Variants in DNAH14 observed in about 807,000 individuals in gnomAD.
DNAH14 encodes axonemal beta dynein heavy chain 14.
A neutral mutation model predicts 520.9 loss-of-function variants in DNAH14; 478 were observed. The ratio of observed to expected loss-of-function variants is 0.92; its 90% CI spans 0.85 to 0.99. DNAH14 has a LOEUF of 0.99. DNAH14 is among the 50% of genes least tolerant of loss of function. The pLI is 0.00. For synonymous variants in DNAH14, 1,581 were observed against 1,757.2 expected, an observed-to-expected ratio of 0.90 and a Z score of 2.51; for missense variants, 4,831 against 5,234.5, an observed-to-expected ratio of 0.92 and a Z score of 2.38.
intron 39 of DNAH14, among the ~76,000 whole-genome samples, chr1:225,204,904 A>G (rs2087330259): frequency 6.6e-6 from 1 of 152,206 alleles, no homozygotes; most frequent in South Asian, 2.1e-4. Context: ...TGGGGAGAGT[A>G]CAGTGATTAG....
At chr1:225,125,253 A>G (rs1267547491) in intron 27 of DNAH14, among the ~76,000 whole-genome samples, 2 of 152,186 alleles carry the variant, frequency 1.3e-5, no homozygotes, top group Admixed American at 6.6e-5. Flanking sequence ...TTAGCCTCTA[A>G]CAAGAGAATC....
At chr1:225,242,858 T>TA (rs2092049023) in intron 43 of DNAH14, among the ~76,000 whole-genome samples, 1 of 152,218 alleles carries the variant, frequency 6.6e-6, no homozygotes, top group Non-Finnish European at 1.5e-5. Context: ...GCTACGATGT[T>TA]ACGATGACTA....
chr1:225,271,612 A>G (rs2093317365), intron 50 of DNAH14, among the ~76,000 whole-genome samples: 1 of 152,186 alleles, frequency 6.6e-6, no homozygotes, highest in Non-Finnish European at 1.5e-5. Context: ...AAGAATTCCC[A>G]GCACACCTGG....
At chr1:225,145,570 A>C (rs753524815) in intron 30 of DNAH14, among the ~76,000 whole-genome samples, 191 bp downstream of exon 30, 1 of 152,208 alleles carries the variant, frequency 6.6e-6, no homozygotes, top group Non-Finnish European at 1.5e-5. Context: ...TTTTAAACAT[A>C]TACGATGCTT....
intron 36 of DNAH14, among the ~76,000 whole-genome samples, chr1:225,169,505 G>A (rs989243657): frequency 6.6e-6 from 1 of 152,164 alleles, no homozygotes; most frequent in Non-Finnish European, 1.5e-5. Context: ...GCATGCACAA[G>A]CTTCAGTAGC....
intron 22 of DNAH14, among the ~76,000 whole-genome samples, chr1:225,098,588 G>T (rs1312178717): frequency 6.6e-6 from 1 of 152,148 alleles, no homozygotes; most frequent in Non-Finnish European, 1.5e-5. Flanking sequence ...GTATTGCTTT[G>T]TGGGGAACAA....
At chr1:225,345,597 C>T (rs2095273592) in intron 69 of DNAH14, among the ~76,000 whole-genome samples, 1 of 151,956 alleles carries the variant, frequency 6.6e-6, no homozygotes, top group Non-Finnish European at 1.5e-5. Flanking sequence ...AATAATGGCA[C>T]ACTTGTTATT....
chr1:225,366,406 T>C (rs1032758267), intron 76 of DNAH14, among the ~76,000 whole-genome samples: 39 of 151,146 alleles, frequency 2.6e-4, no homozygotes, highest in Admixed American at 1.8e-3. Context: ...ACACTCTCTC[T>C]TCTCTCTCTC....
intron 8 of DNAH14, among the ~76,000 whole-genome samples, chr1:224,974,497 G>C (rs1374573727): frequency 6.6e-6 from 1 of 152,116 alleles, no homozygotes; most frequent in African/African-American, 2.4e-5. Flanking sequence ...TTTTAAAATT[G>C]TTTTTATTAA....
chr1:224,932,701 G>A (rs1391085327), intron 1 of DNAH14, among the ~76,000 whole-genome samples: 1 of 152,082 alleles, frequency 6.6e-6, no homozygotes, highest in Non-Finnish European at 1.5e-5. Context: ...TTTCTCCAAT[G>A]TAGGTTCTTG....
rs570601805 is a variant in DNAH14 at position 225,231,096 on chromosome 1, T to C, written c.6463T>C (p.Ser2155Pro). 33 of 1,548,358 alleles carry C rather than the reference T, an allele frequency of 2.1e-5. No individual in the cohort carries two copies. The South Asian group carries it at 3.5e-4, about 16-fold the overall frequency. Residue 2155 changes from serine (S) to proline (P), a missense_variant, in exon 42 of 86, where the codon TCT becomes CCT. Physicochemically the swap from Ser to Pro is moderately conservative, Grantham distance 74. Transcript: ENST00000682510. ...AGGTGATGATTTGAATGACACGTCATCTAAGGAGGCAAATTCCCAAAGAGA... is the reference window on the plus strand; with the variant it reads ...AGGTGATGATTTGAATGACACGTCACCTAAGGAGGCAAATTCCCAAAGAGA... The part of the protein sequence containing the change: ...EQSDDLNDTS[S>P]KEANSQRESV...
At chr1:225,259,368 T>C in intron 46 of DNAH14, 115 bp downstream of exon 46, 1 of 738,688 alleles carries the variant, frequency 1.4e-6, no homozygotes, top group Non-Finnish European at 2.0e-6. Context: ...TGCAGAATCA[T>C]TCAAAAGAGG....
chr1:225,343,488 C>CT (rs1469356835), intron 69 of DNAH14, among the ~76,000 whole-genome samples: 7 of 151,870 alleles, frequency 4.6e-5, no homozygotes, highest in African/African-American at 1.7e-4. Flanking sequence ...TGACCCAATT[C>CT]CAAAAAGAGA....
chr1:225,345,755 G>T lies in DNAH14; in HGVS notation c.10679-207G>T, dbSNP rs149330977. 2.4e-4 allele frequency among the ~76,000 whole-genome samples: 36 copies of T among 152,106 alleles called. No homozygotes were observed. In the East Asian group the frequency reaches 6.4e-3, roughly 27 times the overall value. On this transcript the variant is annotated intron_variant, in intron 69 of 85. Coordinates refer to ENST00000682510, the MANE Select transcript of DNAH14 (RefSeq NM_001367479.1). ...AATATAAAGAAGAGATGACGGAGTG[G>T]GAAGTGAGGTGTACGTACTATTAAT...
intron 49 of DNAH14, among the ~76,000 whole-genome samples, chr1:225,269,841 G>A (rs1308320096): frequency 6.6e-6 from 1 of 152,178 alleles, no homozygotes; most frequent in Non-Finnish European, 1.5e-5. Flanking sequence ...TGGAGAGGAT[G>A]TGGACAAATA....
intron 7 of DNAH14, among the ~76,000 whole-genome samples, chr1:224,970,578 C>T (rs1055294360): frequency 2.6e-5 from 4 of 152,100 alleles, no homozygotes; most frequent in Non-Finnish European, 4.4e-5. Context: ...ATGTCTGCCC[C>T]GGACACCCAG....
At chr1:225,107,264 G>T (rs796335429) in intron 23 of DNAH14, among the ~76,000 whole-genome samples, 2 of 152,176 alleles carry the variant, frequency 1.3e-5, no homozygotes, top group Admixed American at 1.3e-4. Flanking sequence ...GTACCTGGCC[G>T]TGTGAGGTGT....
intron 37 of DNAH14, among the ~76,000 whole-genome samples, chr1:225,189,662 G>C (rs1022623728): frequency 2.6e-5 from 4 of 151,802 alleles, no homozygotes; most frequent in Admixed American, 6.6e-5. Context: ...CTTTCAAACT[G>C]TGTATTTGAA....
chr1:225,244,569 G>A (rs1288118292), intron 43 of DNAH14, among the ~76,000 whole-genome samples: 4 of 152,072 alleles, frequency 2.6e-5, no homozygotes, highest in Non-Finnish European at 5.9e-5. Context: ...CTTCTTCCTG[G>A]TTTAGTCTTG....
Sources: allele counts gnomAD v4.1 joint callset (sites outside exome capture counted in the v4.1 genomes callset), GRCh38; gene constraint gnomAD v4.1.1; transcripts MANE v1.5; gene names NCBI Gene and HGNC (gene_info 2026-07-23, HGNC 2026-07-21).